LRP1B: variants seen among roughly 807,000 people sequenced by gnomAD.
The protein encoded by LRP1B is low-density lipoprotein receptor-related protein 1B.
A neutral mutation model predicts 556.6 loss-of-function variants in LRP1B; 217 were observed. The ratio of observed to expected loss-of-function variants is 0.39; its 90% CI spans 0.35 to 0.44. LRP1B has a LOEUF of 0.44. Among genes scored for constraint, LRP1B ranks in the 20% least tolerant of loss-of-function variants. LRP1B has a pLI of 1.00. For missense variants in LRP1B, 5,053 were observed against 5,620.8 expected, an observed-to-expected ratio of 0.90 and a Z score of 3.23; for synonymous variants, 2,047 against 1,865.8, an observed-to-expected ratio of 1.10 and a Z score of -2.50.
chr2:142,015,991 CAAA>C (rs70994471), intron 1 of LRP1B, among the ~76,000 whole-genome samples: 2,936 of 38,786 alleles, frequency 0.076, 82 homozygotes, highest in Non-Finnish European at 0.087. Flanking sequence ...GACTCCATCT[CAAA>C]AAAAAAAAAA....
intron 2 of LRP1B, among the ~76,000 whole-genome samples, chr2:141,655,207 CTATTT>C: frequency 6.6e-6 from 1 of 152,152 alleles, no homozygotes; most frequent in Non-Finnish European, 1.5e-5. Context: ...TCCTTGGTCA[CTATTT>C]TATTTTGAAT....
intron 3 of LRP1B, among the ~76,000 whole-genome samples, chr2:141,294,858 A>AT: frequency 6.6e-6 from 1 of 151,862 alleles, no homozygotes; most frequent in Non-Finnish European, 1.5e-5. Context: ...ATTTTCCATA[A>AT]TTTTTGTTCT....
At chr2:141,190,767 A>G (rs1681469600) in intron 6 of LRP1B, among the ~76,000 whole-genome samples, 1 of 151,982 alleles carries the variant, frequency 6.6e-6, no homozygotes, top group African/African-American at 2.4e-5. Flanking sequence ...CTTAGAATGA[A>G]TCTATGATTC....
intron 63 of LRP1B, among the ~76,000 whole-genome samples, chr2:140,449,684 T>C (rs1686807385): frequency 6.6e-6 from 1 of 152,170 alleles, no homozygotes; most frequent in African/African-American, 2.4e-5. Flanking sequence ...TAAGTAAATA[T>C]CTAGATAACC....
intron 1 of LRP1B, among the ~76,000 whole-genome samples, chr2:141,858,813 T>C (rs1460984052): frequency 6.6e-6 from 1 of 152,194 alleles, no homozygotes; most frequent in Non-Finnish European, 1.5e-5. Context: ...AGGAATCTGA[T>C]GCTCTAAGAG....
chr2:141,038,644 G>A (rs1057255865), intron 11 of LRP1B, among the ~76,000 whole-genome samples: 1 of 152,060 alleles, frequency 6.6e-6, no homozygotes, highest in African/African-American at 2.4e-5. Flanking sequence ...ATTTGAGGTA[G>A]TGCTTCCTAC....
At chr2:142,037,245 C>A (rs1003843671) in intron 1 of LRP1B, among the ~76,000 whole-genome samples, 2 of 151,544 alleles carry the variant, frequency 1.3e-5, no homozygotes, top group African/African-American at 4.8e-5. Flanking sequence ...GAAAGCCTAG[C>A]GTTCTGAGTT....
chr2:141,745,614 G>A (rs1392290479), intron 2 of LRP1B, among the ~76,000 whole-genome samples: 1 of 151,982 alleles, frequency 6.6e-6, no homozygotes, highest in East Asian at 2.0e-4. Context: ...GTCCAGAAAT[G>A]CCATCCAAGA....
At chr2:140,401,552 T>C (rs1684502821) in intron 66 of LRP1B, among the ~76,000 whole-genome samples, 1 of 152,214 alleles carries the variant, frequency 6.6e-6, no homozygotes. Flanking sequence ...CCACCTGAGA[T>C]AGGCCCTGCC....
chr2:140,267,200 C>G (rs1682244943), intron 86 of LRP1B, among the ~76,000 whole-genome samples: 1 of 151,866 alleles, frequency 6.6e-6, no homozygotes, highest in Non-Finnish European at 1.5e-5. Context: ...TAATTGTCTT[C>G]AAAAATTTAT....
intron 2 of LRP1B, among the ~76,000 whole-genome samples, chr2:141,809,596 T>C (rs1329990712): frequency 6.6e-6 from 1 of 152,092 alleles, no homozygotes; most frequent in Non-Finnish European, 1.5e-5. Context: ...TAATTTGTTA[T>C]AGTGGTATGT....
intron 1 of LRP1B, among the ~76,000 whole-genome samples, chr2:142,124,069 C>T (rs938997459): frequency 2.2e-4 from 33 of 151,320 alleles, no homozygotes; most frequent in Non-Finnish European, 4.4e-5. Context: ...TTTGGGGGTA[C>T]ATGTGAAGGT....
At chr2:140,717,919 A>C (rs1687267721) in intron 35 of LRP1B, among the ~76,000 whole-genome samples, 1 of 152,122 alleles carries the variant, frequency 6.6e-6, no homozygotes, top group Non-Finnish European at 1.5e-5. Flanking sequence ...AATTGTTTGC[A>C]GCAGAGCAGA....
chr2:141,484,871 G>A (rs554359475), intron 2 of LRP1B, among the ~76,000 whole-genome samples: 12 of 152,122 alleles, frequency 7.9e-5, no homozygotes, highest in African/African-American at 2.6e-4. Context: ...GGGCTGAGAC[G>A]ATGGGGTTTT....
intron 2 of LRP1B, among the ~76,000 whole-genome samples, chr2:141,565,771 T>C (rs1223967964): frequency 2.0e-5 from 3 of 152,352 alleles, no homozygotes; most frequent in East Asian, 3.9e-4. Flanking sequence ...AGAGGTACAC[T>C]GTTTGTATAT....
At chr2:140,668,448 G>T (rs894743735) in intron 41 of LRP1B, among the ~76,000 whole-genome samples, 1 of 146,894 alleles carries the variant, frequency 6.8e-6, no homozygotes, top group Non-Finnish European at 1.5e-5. Flanking sequence ...CATAATACAT[G>T]TAACAATGGA....
chr2:141,870,027 A>G (rs1012808075), intron 1 of LRP1B, among the ~76,000 whole-genome samples: 1 of 151,990 alleles, frequency 6.6e-6, no homozygotes, highest in Non-Finnish European at 1.5e-5. Flanking sequence ...TCAAATTCAA[A>G]TGTTTAGAAA....
At chr2:141,766,506 C>T (rs1170560499) in intron 2 of LRP1B, among the ~76,000 whole-genome samples, 1 of 152,168 alleles carries the variant, frequency 6.6e-6, no homozygotes, top group Non-Finnish European at 1.5e-5. Flanking sequence ...CAGGAACTAG[C>T]TTTCTAGAGC....
Position 140,504,476 on chromosome 2 carries a change from A to G in LRP1B, c.8522-1373T>C, listed in dbSNP as rs113140913. 3.2e-3 allele frequency among the ~76,000 whole-genome samples: 482 copies of G among 152,254 alleles called. 5 individuals are homozygous for G. Among genetic ancestry groups the G allele is most frequent in the African/African-American group, 0.011 (441 of 41,560 alleles). On this transcript the variant is annotated intron_variant, in intron 53 of 90. Transcript: ENST00000389484. ...AATCTTCAGTCTTTATTTTCCTGCC[A>G]GCTTTAGGCTGATGGGTAGAAAATT...
Sources: allele counts gnomAD v4.1 joint callset (sites outside exome capture counted in the v4.1 genomes callset), GRCh38; gene constraint gnomAD v4.1.1; transcripts MANE v1.5; gene names NCBI Gene and HGNC (gene_info 2026-07-23, HGNC 2026-07-21).